The following NAV2 variants were observed in gnomAD, a reference collection of about 807,000 sequenced individuals.
NAV2 encodes neuron navigator 2, also known as helicase, APC down-regulated 1.
NAV2 carries 54 observed loss-of-function variants against 223.2 expected under a neutral mutation model. That is an observed-to-expected ratio of 0.24 (90% confidence interval 0.19 to 0.30). The LOEUF (loss-of-function observed/expected upper bound fraction) is 0.30. NAV2 is among the 10% of genes least tolerant of loss of function. The probability of loss-of-function intolerance (pLI) is 1.00; values close to 1 mark genes in which losing one functional copy is unlikely to be tolerated. For missense variants in NAV2, 2,806 were observed against 3,147.5 expected (o/e 0.89, Z 2.60); for synonymous variants, 1,279 against 1,239.3 (o/e 1.03, Z -0.67).
chr11:19,911,812 A>T (rs539876433), intron 6 of NAV2, among the ~76,000 whole-genome samples: 2 of 152,304 alleles, frequency 1.3e-5, no homozygotes, highest in East Asian at 3.9e-4. Flanking sequence ...AACTTGGTTG[A>T]CTTACAGCGA....
At chr11:19,473,998 GC>G (rs1190972064) in intron 1 of NAV2, among the ~76,000 whole-genome samples, 1 of 152,162 alleles carries the variant, frequency 6.6e-6, no homozygotes, top group African/African-American at 2.4e-5. Context: ...GGGCCTGCAG[GC>G]CCACTATTCC....
intron 1 of NAV2, among the ~76,000 whole-genome samples, chr11:19,599,919 C>T (rs1474951816): frequency 6.6e-6 from 1 of 152,226 alleles, no homozygotes; most frequent in African/African-American, 2.4e-5. Context: ...TCTTCCTTTT[C>T]TCTCTCTCCA....
In NAV2 at chr11:20,078,217, C is replaced by T. The variant is rs2059881945; in HGVS notation, c.5179+113C>T. On this transcript the variant is annotated intron_variant, in intron 24 of 37. Transcript: ENST00000349880. ...AGAAGACAGTGTCTGCGTAATTCAGCTCCATGTCAGGCAAGCAGGAACTGG... is the reference window on the plus strand; with the variant it reads ...AGAAGACAGTGTCTGCGTAATTCAGTTCCATGTCAGGCAAGCAGGAACTGG... 3.8e-6 allele frequency: 3 copies of T among 793,428 alleles called. No homozygotes were observed. In the East Asian group the frequency reaches 8.0e-5, roughly 21 times the overall value. The allele number at this position is 793,428 out of a possible 1,614,324, so 49.1% of individuals were successfully genotyped here. A position where few individuals can be genotyped will look rare whatever the true frequency, so the allele number is the denominator to read the frequency against.
intron 1 of NAV2, among the ~76,000 whole-genome samples, chr11:19,565,296 G>T (rs1487196): frequency 6.6e-6 from 1 of 152,054 alleles, no homozygotes; most frequent in South Asian, 2.1e-4. Context: ...TTCCTACTCC[G>T]CACTGCCTCG....
intron 19 of NAV2, among the ~76,000 whole-genome samples, chr11:20,061,543 TG>T (rs1425904295): frequency 6.3e-5 from 9 of 142,270 alleles, no homozygotes; most frequent in African/African-American, 2.4e-4. Context: ...CGCTCCAGCC[TG>T]GGCAACAGAG....
At chr11:19,604,813 C>G (rs1327170877) in intron 1 of NAV2, among the ~76,000 whole-genome samples, 1 of 152,134 alleles carries the variant, frequency 6.6e-6, no homozygotes, top group African/African-American at 2.4e-5. Flanking sequence ...GGGGGCGGGT[C>G]TTTCCTGCAC....
chr11:19,469,428 A>G (rs2041891205), intron 1 of NAV2, among the ~76,000 whole-genome samples: 1 of 152,190 alleles, frequency 6.6e-6, no homozygotes, highest in Non-Finnish European at 1.5e-5. Context: ...CCTTTCCTGC[A>G]CAACTGGGTG....
intron 1 of NAV2, among the ~76,000 whole-genome samples, chr11:19,729,901 G>A (rs1276053170): frequency 5.3e-5 from 8 of 152,194 alleles, no homozygotes; most frequent in Non-Finnish European, 1.0e-4. Context: ...AATGGAGAGG[G>A]GAAGGGGTTG....
chr11:20,093,060 C>T (rs1427486291), intron 28 of NAV2, 39 bp from the exon 29 acceptor site: 1 of 1,424,026 alleles, frequency 7.0e-7, no homozygotes, highest in East Asian at 2.9e-5. Flanking sequence ...GCTTTGCTGT[C>T]CCCATGTGCC....
intron 1 of NAV2, among the ~76,000 whole-genome samples, chr11:19,806,150 T>G (rs1311465578): frequency 6.6e-6 from 1 of 152,260 alleles, no homozygotes; most frequent in East Asian, 1.9e-4. Context: ...TCCCACACTC[T>G]TATATGAAAA....
intron 10 of NAV2, 24 bp downstream of exon 10, chr11:19,949,104 C>T (rs1338761262): frequency 6.4e-7 from 1 of 1,555,312 alleles, no homozygotes; most frequent in Non-Finnish European, 8.7e-7. Flanking sequence ...GCCGCCCTTT[C>T]TCCCAGAGAG....
chr11:19,687,965 A>C (rs7938278), intron 1 of NAV2, among the ~76,000 whole-genome samples: 130,641 of 152,104 alleles, frequency 0.86, 56,788 homozygotes, highest in Middle Eastern at 0.95. Context: ...CCTAGCGCTG[A>C]CTCTCATCCT....
At chr11:19,850,029 C>G (rs1189499142) in intron 3 of NAV2, among the ~76,000 whole-genome samples, 1 of 152,148 alleles carries the variant, frequency 6.6e-6, no homozygotes, top group Non-Finnish European at 1.5e-5. Flanking sequence ...TGCCACTTGG[C>G]CACTCAAACT....
intron 1 of NAV2, among the ~76,000 whole-genome samples, chr11:19,639,545 G>A (rs1351338365): frequency 2.0e-5 from 3 of 152,244 alleles, no homozygotes; most frequent in African/African-American, 7.2e-5. Flanking sequence ...ATAAGGTTGT[G>A]TGTGGGGAGG....
intron 1 of NAV2, among the ~76,000 whole-genome samples, chr11:19,798,458 G>A (rs1185775894): frequency 1.3e-5 from 2 of 152,198 alleles, no homozygotes; most frequent in Non-Finnish European, 2.9e-5. Flanking sequence ...CTCCTCTGCT[G>A]TGGGAAAATG....
intron 1 of NAV2, among the ~76,000 whole-genome samples, chr11:19,438,951 T>A (rs1382626453): frequency 6.6e-6 from 1 of 152,092 alleles, no homozygotes; most frequent in African/African-American, 2.4e-5. Flanking sequence ...TCATTGGCCA[T>A]TAGTGATTAG....
intron 1 of NAV2, among the ~76,000 whole-genome samples, chr11:19,620,152 G>C (rs10833138): frequency 0.95 from 144,892 of 151,858 alleles, 69,299 homozygotes; most frequent in Non-Finnish European, 1. Context: ...ATGCTGTTTT[G>C]GTTACTGTAG....
At chr11:19,947,568 G>A (rs2047032886) in intron 9 of NAV2, among the ~76,000 whole-genome samples, 1 of 152,212 alleles carries the variant, frequency 6.6e-6, no homozygotes, top group African/African-American at 2.4e-5. Context: ...TGACAGGAGG[G>A]AAGACTTCAG....
intron 11 of NAV2, among the ~76,000 whole-genome samples, chr11:20,019,994 T>TAAAAAA (rs763255071): frequency 7.5e-5 from 10 of 134,068 alleles, no homozygotes; most frequent in South Asian, 2.4e-4. Flanking sequence ...GGGCATGAGG[T>TAAAAAA]AAAAAAAAAA....
Sources: allele counts gnomAD v4.1 joint callset (sites outside exome capture counted in the v4.1 genomes callset), GRCh38; gene constraint gnomAD v4.1.1; transcripts MANE v1.5; gene names NCBI Gene and HGNC (gene_info 2026-07-23, HGNC 2026-07-21).